DAPK2: variants seen among roughly 807,000 people sequenced by gnomAD.
DAPK2 encodes death-associated protein kinase 2.
A neutral mutation model predicts 44.1 loss-of-function variants in DAPK2; 35 were observed. That is an observed-to-expected ratio of 0.79 (90% confidence interval 0.61 to 1.05). DAPK2 has a LOEUF of 1.05. DAPK2 is among the 50% of genes least tolerant of loss of function. The probability of loss-of-function intolerance (pLI) is 0.00; values close to 1 mark genes in which losing one functional copy is unlikely to be tolerated. For missense variants in DAPK2, 453 were observed against 483.2 expected (o/e 0.94, Z 0.59); for synonymous variants, 174 against 182.6 (o/e 0.95, Z 0.38).
At chr15:64,021,053 C>T (rs778385436) in intron 1 of DAPK2, among the ~76,000 whole-genome samples, 2 of 152,228 alleles carry the variant, frequency 1.3e-5, no homozygotes, top group African/African-American at 4.8e-5. Flanking sequence ...TATCATTAGC[C>T]TTAAAGAAAG....
intron 2 of DAPK2, 97 bp downstream of exon 3, chr15:63,983,436 G>T: frequency 8.9e-7 from 1 of 1,119,960 alleles, no homozygotes. Context: ...GCTTAGGCCT[G>T]GTTGCTGCTG....
chr15:63,983,739 G>A lies in DAPK2; in HGVS notation c.108C>T (p.Ile36=), dbSNP rs138347092. 257 of 1,611,666 alleles carry A rather than the reference G, an allele frequency of 1.6e-4. 1 individual carries two copies. The highest frequency in any genetic ancestry group is 1.2e-3 in the African/African-American group (93 of 75,018). Residue 36 remains isoleucine (I), a synonymous_variant, in exon 2 of 11, where the codon ATC becomes ATT. Coordinates refer to ENST00000261891, the Ensembl canonical transcript of DAPK2. ...TGCTCTTCTCCCGGCACTTCTTCAC[G>A]ATGGCAAACTGGCCACTGTGGGGAC...
chr15:64,026,789 A>C (rs1464187941), intron 1 of DAPK2, among the ~76,000 whole-genome samples: 1 of 152,218 alleles, frequency 6.6e-6, no homozygotes. Context: ...CAGAGAAGGA[A>C]AGTGAAACCA....
intron 1 of DAPK2, among the ~76,000 whole-genome samples, chr15:64,006,054 A>AAACC (rs2079219411): frequency 6.7e-6 from 1 of 148,540 alleles, no homozygotes; most frequent in African/African-American, 2.5e-5. Flanking sequence ...AAAAAAAAAA[A>AAACC]CCCCACAAAA....
chr15:63,959,139 G>A (rs1466906757), intron 3 of DAPK2, among the ~76,000 whole-genome samples: 1 of 152,136 alleles, frequency 6.6e-6, no homozygotes, highest in Non-Finnish European at 1.5e-5. Flanking sequence ...GTTCACTTGT[G>A]ATTTGGTTCT....
chr15:63,968,290 G>A (rs1171423645), intron 3 of DAPK2, among the ~76,000 whole-genome samples: 2 of 152,220 alleles, frequency 1.3e-5, no homozygotes, highest in East Asian at 1.9e-4. Context: ...AGGGACCCAC[G>A]GGTGGAAGAA....
At chr15:64,006,862 A>G (rs2079244327) in intron 1 of DAPK2, among the ~76,000 whole-genome samples, 1 of 152,160 alleles carries the variant, frequency 6.6e-6, no homozygotes, top group Non-Finnish European at 1.5e-5. Context: ...TACAGATTAC[A>G]TCAATCTAGC....
intron 1 of DAPK2, among the ~76,000 whole-genome samples, chr15:64,017,975 G>A (rs1205075075): frequency 2.0e-5 from 3 of 152,118 alleles, no homozygotes; most frequent in Non-Finnish European, 4.4e-5. Flanking sequence ...TTCAAGGCAC[G>A]ACTCTAGAGA....
Position 64,027,554 on chromosome 15 carries a change from C to G in DAPK2, c.92+12616G>C, listed in dbSNP as rs1233599394. ...TCCAGCCTGGGTGACAGAGCAAGAC[C>G]CTGTCTCAAAAAAAGAAAAGAAAAG... is the stretch of plus-strand genomic sequence containing the variant. On this transcript the variant is annotated intron_variant, in intron 1 of 10. Coordinates refer to ENST00000261891, the Ensembl canonical transcript of DAPK2. Among the ~76,000 whole-genome samples, 4 of 151,250 alleles carry G rather than the reference C, an allele frequency of 2.6e-5. No homozygotes were observed. In the East Asian group the frequency reaches 5.8e-4, roughly 22 times the overall value.
At chr15:63,993,097 C>T (rs979159884) in intron 1 of DAPK2, among the ~76,000 whole-genome samples, 5 of 152,140 alleles carry the variant, frequency 3.3e-5, no homozygotes, top group Non-Finnish European at 7.3e-5. Context: ...CACTTGCCCT[C>T]CCCTCTCCTG....
intron 1 of DAPK2, among the ~76,000 whole-genome samples, chr15:64,030,835 G>T (rs754125291): frequency 1.3e-5 from 2 of 152,100 alleles, no homozygotes; most frequent in East Asian, 3.9e-4. Flanking sequence ...AAAGTCTAGG[G>T]CACATGCCTA....
intron 1 of DAPK2, among the ~76,000 whole-genome samples, chr15:63,989,085 T>C (rs1235262912): frequency 6.7e-6 from 1 of 148,630 alleles, no homozygotes. Context: ...GAGGCTGAGG[T>C]ATGAAAATCA....
rs564387839 is a variant in DAPK2, at chr15:63,956,913, G to A, written c.453+14510C>T. Among the ~76,000 whole-genome samples the A allele has an allele frequency of 5.9e-5, 9 of 152,274 alleles. No individual in the cohort carries two copies. In the South Asian group the frequency reaches 1.2e-3, roughly 21 times the overall value. ...AAAATTTTTTAAAGACTTTTATTGT[G>A]GCCTAACATATGGTCCATGCTTGAG... On this transcript the variant is annotated intron_variant, in intron 3 of 10. Coordinates refer to ENST00000261891, the Ensembl canonical transcript of DAPK2.
chr15:63,942,094 G>A (rs1365362100), intron 3 of DAPK2: 1 of 467,090 alleles, frequency 2.1e-6, no homozygotes, highest in Non-Finnish European at 2.8e-6. Context: ...GCTGAATGGG[G>A]GTGGGAGCCA....
chr15:63,969,740 TTA>T (rs1491407172), intron 3 of DAPK2, among the ~76,000 whole-genome samples: 6 of 94,326 alleles, frequency 6.4e-5, no homozygotes, highest in South Asian at 1.2e-3. Flanking sequence ...ACTATCTCTA[TTA>T]AAAAAAAAAA....
intron 3 of DAPK2, among the ~76,000 whole-genome samples, chr15:63,967,543 TAGCTGGG>T (rs2078089053): frequency 3.3e-5 from 5 of 152,016 alleles, no homozygotes; most frequent in African/African-American, 4.8e-5. Context: ...ATACAAAAAT[TAGCTGGG>T]CGTGGTGGCA....
At position 64,025,894 on chromosome 15, in the gene DAPK2, C is replaced by T. The variant is rs74021240; in HGVS notation, c.92+14276G>A. ...TTGCTTAATTGGGGTCTAAAGTTAG[C>T]GTTCTCTATCATCAAATTGATTGGA... On this transcript the variant is annotated intron_variant, in intron 1 of 10. Coordinates refer to ENST00000261891, the Ensembl canonical transcript of DAPK2. 8.1e-3 allele frequency among the ~76,000 whole-genome samples: 1,234 copies of T among 152,286 alleles called. 17 individuals carry two copies. Among genetic ancestry groups the T allele is most frequent in the African/African-American group, 0.028 (1,163 of 41,546 alleles).
chr15:63,996,182 C>A (rs887063369), intron 1 of DAPK2, among the ~76,000 whole-genome samples: 1 of 152,262 alleles, frequency 6.6e-6, no homozygotes, highest in East Asian at 1.9e-4. Context: ...ACCTATAATG[C>A]CAGCACTTTG....
At chr15:63,964,378 T>C (rs978440183) in intron 3 of DAPK2, among the ~76,000 whole-genome samples, 7 of 152,212 alleles carry the variant, frequency 4.6e-5, no homozygotes, top group Non-Finnish European at 1.0e-4. Context: ...CTTTCTTTAC[T>C]CTTGACTTTT....
Sources: gnomAD v4.1 joint callset for allele counts (sites outside exome capture counted in the v4.1 genomes callset) on GRCh38, gnomAD v4.1.1 for gene constraint, MANE v1.5 for transcripts, NCBI Gene and HGNC (gene_info 2026-07-23, HGNC 2026-07-21) for gene names.